The following DOP1A variants were observed in gnomAD, a reference collection of about 807,000 sequenced individuals.
DOP1A encodes the protein DOP1 leucine zipper like protein A.
In DOP1A, 90 loss-of-function variants were observed where a neutral mutation model predicts 267.6. The observed-to-expected ratio is 0.34, with a 90% CI of 0.28 to 0.40. The LOEUF (loss-of-function observed/expected upper bound fraction) is 0.40, where lower values mean the gene tolerates loss of function less well. DOP1A is among the 10% of genes least tolerant of loss of function. The pLI is 1.00. For missense variants in DOP1A, 2,437 were observed against 2,900.4 expected (o/e 0.84, Z 3.67); for synonymous variants, 932 against 999.1 (o/e 0.93, Z 1.27).
intron 1 of DOP1A, among the ~76,000 whole-genome samples, chr6:83,083,420 TAAAAAAA>T (rs560759261): frequency 1.4e-5 from 2 of 139,452 alleles, no homozygotes; most frequent in Non-Finnish European, 3.1e-5. Context: ...ACTTGTGGTT[TAAAAAAA>T]AAAAAAAAAG....
chr6:83,073,606 A>G (rs1419919001), intron 1 of DOP1A, among the ~76,000 whole-genome samples: 1 of 151,942 alleles, frequency 6.6e-6, no homozygotes, highest in Non-Finnish European at 1.5e-5. Flanking sequence ...AACTGTTGTT[A>G]AGTTATCTAT....
At chr6:83,144,320 C>G (rs1031599197) in intron 24 of DOP1A, among the ~76,000 whole-genome samples, 2 of 151,636 alleles carry the variant, frequency 1.3e-5, no homozygotes, top group South Asian at 2.1e-4. Flanking sequence ...GAGTATCAAC[C>G]CAGGGTAGAA....
Position 83,137,993 on chromosome 6 carries a change from A to C in DOP1A, c.3951A>C (p.Lys1317Asn). Residue 1317 changes from lysine to asparagine, a missense_variant, in exon 21 of 39, where the codon AAA becomes AAC. This residue lies in a region of DOP1A where 878 missense variants were observed against 992.9 expected (regional missense o/e 0.88). Coordinates refer to ENST00000349129, the MANE Select transcript of DOP1A (RefSeq NM_015018.4). ...ACAAGAAAAAATCTTCAAATGAAAA[A>C]CTCAAACAAACCAGTGTATTCTTCA... Reference protein sequence around the residue: ...DDDKKKSSNEKLKQTSVFFSD... With the variant: ...DDDKKKSSNENLKQTSVFFSD... 1.2e-6 allele frequency: 2 copies of C among 1,605,966 alleles called. No homozygotes were observed. Among genetic ancestry groups the C allele is most frequent in the Non-Finnish European group, 1.7e-6 (2 of 1,177,610 alleles).
At chr6:83,090,791 A>C (rs1770209518) in intron 1 of DOP1A, among the ~76,000 whole-genome samples, 1 of 152,172 alleles carries the variant, frequency 6.6e-6, no homozygotes, top group Admixed American at 6.5e-5. Flanking sequence ...ATGACTGAGA[A>C]CTGCAATTTG....
intron 12 of DOP1A, 77 bp downstream of exon 12, chr6:83,123,059 T>A: frequency 6.9e-7 from 1 of 1,452,146 alleles, no homozygotes; most frequent in Non-Finnish European, 9.2e-7. Flanking sequence ...TTGTTACATT[T>A]AATGAATGTT....
At position 83,158,730 on chromosome 6, in the gene DOP1A, A is replaced by G. The variant is rs182109974; in HGVS notation, c.6797+108A>G. ...ATAGTCTTTTTCTGAATACTTATTT[A>G]TTATTATCTAATTGATTACGTTTGG... On this transcript the variant is annotated intron_variant, in intron 36 of 38. Transcript: ENST00000349129. 8.4e-5 allele frequency: 63 copies of G among 753,596 alleles called. 1 individual carries two copies. In the East Asian group the frequency reaches 1.8e-3, roughly 21 times the overall value. The allele number at this position is 753,596 out of a possible 1,614,324, so 46.7% of individuals were successfully genotyped here. A position where few individuals can be genotyped will look rare whatever the true frequency, so the allele number is the denominator to read the frequency against.
At chr6:83,167,673 A>G in intron 38 of DOP1A, 189 bp from the exon 39 acceptor site, 1 of 1,374,620 alleles carries the variant, frequency 7.3e-7, no homozygotes, top group Non-Finnish European at 9.4e-7. Flanking sequence ...AGACTGCTCC[A>G]TGTAAAACTA....
intron 38 of DOP1A, among the ~76,000 whole-genome samples, chr6:83,164,312 G>A (rs932241499): frequency 1.3e-5 from 2 of 151,516 alleles, no homozygotes; most frequent in Non-Finnish European, 2.9e-5. Flanking sequence ...CAGAGATGAG[G>A]ATGTATGCTG....
At chr6:83,171,168 C>T (rs990968927), downstream of DOP1A, 14 of 151,728 alleles carry the variant, frequency 9.2e-5, no homozygotes, top group African/African-American at 3.2e-4. Flanking sequence ...AGTGAGATCT[C>T]GTCTCTAAAT....
At chr6:83,091,370 C>G (rs868780979) in intron 1 of DOP1A, among the ~76,000 whole-genome samples, 2 of 152,044 alleles carry the variant, frequency 1.3e-5, no homozygotes, top group Non-Finnish European at 2.9e-5. Flanking sequence ...CATTTTTCAG[C>G]AATTTAAGAT....
At position 83,072,527 on chromosome 6, in the gene DOP1A, T is replaced by A. The variant is rs4583952; in HGVS notation, c.-147+4748T>A. Among the ~76,000 whole-genome samples, 376 of 152,310 alleles carry A rather than the reference T, an allele frequency of 2.5e-3. 2 individuals are homozygous for A. Among genetic ancestry groups the A allele is most frequent in the African/African-American group, 8.4e-3 (350 of 41,568 alleles). On this transcript the variant is annotated intron_variant, in intron 1 of 38. Coordinates refer to ENST00000349129, the MANE Select transcript of DOP1A (RefSeq NM_015018.4). ...AGCCATCTTGGATGCATAGCATTTA[T>A]TTCACAAACAAGTGGTTTCTTTCCT...
At chr6:83,092,342 CAT>C (rs1770582484) in intron 1 of DOP1A, among the ~76,000 whole-genome samples, 1 of 152,146 alleles carries the variant, frequency 6.6e-6, no homozygotes, top group Non-Finnish European at 1.5e-5. Flanking sequence ...ATGTATAAAA[CAT>C]AGTTCCTGCT....
intron 23 of DOP1A, 99 bp from the exon 24 acceptor site, chr6:83,141,822 A>C: frequency 8.3e-7 from 1 of 1,197,956 alleles, no homozygotes; most frequent in East Asian, 2.5e-5. Context: ...AAAACCTATA[A>C]GTACTATATT....
At position 83,097,122 on chromosome 6, in the gene DOP1A, C is replaced by G. The variant is rs748105609; in HGVS notation, c.138+7C>G. Reference sequence around the variant, plus strand: ...ACTTGGAAAACTTAATAAGGTATGTCTGTATTATCCATTTCATAAAAGGAG... The same window carrying G: ...ACTTGGAAAACTTAATAAGGTATGTGTGTATTATCCATTTCATAAAAGGAG... On this transcript the variant is annotated splice_region_variant and intron_variant, in intron 3 of 38. Transcript: ENST00000349129. 1 of 1,609,220 alleles carries G rather than the reference C, an allele frequency of 6.2e-7. No homozygotes were observed. Among genetic ancestry groups the G allele is most frequent in the South Asian group, 1.1e-5 (1 of 90,508 alleles).
rs199818015 is a variant in DOP1A at position 83,074,499 on chromosome 6, ACT to A, written c.-147+6722_-147+6723del. On this transcript the variant is annotated intron_variant, in intron 1 of 38. Transcript: ENST00000349129. ...TGACTTTATGACTTTTCAACTTTAC[ACT>A]CGTGCAAAAATGATACACATCCAAT... 7.4e-3 allele frequency among the ~76,000 whole-genome samples: 1,130 copies of A among 152,190 alleles called. 22 individuals carry two copies. The highest frequency in any genetic ancestry group is 0.025 in the African/African-American group (1,041 of 41,532).
rs1388915515 is a variant in DOP1A, at chr6:83,129,361, A to G, written c.2194A>G (p.Lys732Glu). 6.2e-7 allele frequency: 1 copy of G among 1,611,194 alleles called. No homozygotes were observed. The highest frequency in any genetic ancestry group is 8.5e-7 in the Non-Finnish European group (1 of 1,179,082). Residue 732 changes from lysine to glutamate, a missense_variant, in exon 16 of 39, where the codon AAA becomes GAA. Lys to Glu is a moderately conservative substitution (Grantham distance 56, BLOSUM62 1). Around this residue, in one of 9 missense-constraint regions of DOP1A, gnomAD observed 498 missense variants for 513.5 expected, o/e 0.97. Coordinates refer to ENST00000349129, the MANE Select transcript of DOP1A (RefSeq NM_015018.4). ...AAATTCACAAGGAGATGTAAAAGAG[A>G]AAAACATAAGTAAACAAAAAACTTC... is the stretch of plus-strand genomic sequence containing the variant. ...DRNSQGDVKEKNISKQKTSKE... is the reference protein window; with the variant it reads ...DRNSQGDVKEENISKQKTSKE...
Position 83,137,872 on chromosome 6 carries a change from C to G in DOP1A, c.3830C>G (p.Ser1277Ter). The stretch of plus-strand genomic sequence containing the variant: ...CAATTCAGCTTCAAAGAAAAATTAT[C>G]AGAAAAAGTTTCGGAGAAGGAAACA... ...SIQFSFKEKL[S>*]EKVSEKETIV... Residue 1277 changes from serine (S) to a stop codon, truncating the protein, a stop_gained, in exon 21 of 39, where the codon TCA becomes TGA. Transcript: ENST00000349129. LOFTEE classifies it high-confidence loss of function. 6.2e-7 allele frequency: 1 copy of G among 1,613,090 alleles called. No homozygotes were observed. Among genetic ancestry groups the G allele is most frequent in the Non-Finnish European group, 8.5e-7 (1 of 1,179,764 alleles).
At chr6:83,091,739 G>A (rs139728127) in intron 1 of DOP1A, among the ~76,000 whole-genome samples, 1 of 152,146 alleles carries the variant, frequency 6.6e-6, no homozygotes, top group East Asian at 1.9e-4. Context: ...CTCATGCACT[G>A]AATATTATAT....
chr6:83,078,777 A>G (rs141226799), intron 1 of DOP1A, among the ~76,000 whole-genome samples: 1 of 152,328 alleles, frequency 6.6e-6, no homozygotes, highest in Non-Finnish European at 1.5e-5. Flanking sequence ...ATTTTTTACA[A>G]TAATTAAGCA....
Sources: gnomAD v4.1 joint callset for allele counts (sites outside exome capture counted in the v4.1 genomes callset) on GRCh38, gnomAD v4.1.1 for gene constraint, gnomAD v4.1.1 regional missense constraint, MANE v1.5 for transcripts, NCBI Gene and HGNC (gene_info 2026-07-23, HGNC 2026-07-21) for gene names.